The following PPM1H variants were observed in gnomAD, a reference collection of about 807,000 sequenced individuals.
PPM1H encodes protein phosphatase 1H.
A neutral mutation model predicts 54.9 loss-of-function variants in PPM1H; 27 were observed. The ratio of observed to expected loss-of-function variants is 0.49; its 90% CI spans 0.36 to 0.68. The LOEUF (loss-of-function observed/expected upper bound fraction) is 0.68, where lower values mean the gene tolerates loss of function less well. Ranked by LOEUF, PPM1H falls within the 30% of genes least tolerant of loss-of-function variation. The pLI, the probability that PPM1H is intolerant of heterozygous loss-of-function variation, is 0.00. For synonymous variants in PPM1H, 305 were observed against 270.8 expected, an observed-to-expected ratio of 1.13 and a Z score of -1.24; for missense variants, 596 against 667.8, an observed-to-expected ratio of 0.89 and a Z score of 1.19.
At chr12:62,688,144 C>T (rs2076064092) in intron 8 of PPM1H, among the ~76,000 whole-genome samples, 1 of 152,174 alleles carries the variant, frequency 6.6e-6, no homozygotes, top group Admixed American at 6.5e-5. Flanking sequence ...TCCCAAACTC[C>T]CTTGCAGCTA....
At chr12:62,798,596 C>T (rs886317950) in intron 3 of PPM1H, among the ~76,000 whole-genome samples, 1 of 152,002 alleles carries the variant, frequency 6.6e-6, no homozygotes, top group Non-Finnish European at 1.5e-5. Context: ...TGGGGGTAAA[C>T]CTGAAAGGAA....
At chr12:62,880,160 TAC>T (rs1182342550) in intron 1 of PPM1H, among the ~76,000 whole-genome samples, 1 of 152,186 alleles carries the variant, frequency 6.6e-6, no homozygotes, top group Non-Finnish European at 1.5e-5. Flanking sequence ...CATATGCATA[TAC>T]ACACACACAT....
chr12:62,825,212 A>T (rs337523), intron 2 of PPM1H, among the ~76,000 whole-genome samples: 131,247 of 152,138 alleles, frequency 0.86, 56,658 homozygotes, highest in African/African-American at 0.88. Context: ...CCAGTTAGAG[A>T]GGCGATTAAA....
At chr12:62,772,640 A>T (rs1267090579) in intron 4 of PPM1H, among the ~76,000 whole-genome samples, 1 of 152,174 alleles carries the variant, frequency 6.6e-6, no homozygotes, top group Admixed American at 6.5e-5. Context: ...AAGTGGTGCC[A>T]GCTGCAACTC....
At chr12:62,719,968 G>A (rs1018434542) in intron 6 of PPM1H, among the ~76,000 whole-genome samples, 4 of 152,124 alleles carry the variant, frequency 2.6e-5, no homozygotes, top group Non-Finnish European at 5.9e-5. Context: ...GGAGGGCCTC[G>A]AAGAAGCAGA....
chr12:62,902,420 A>T (rs899112393), intron 1 of PPM1H, among the ~76,000 whole-genome samples: 11 of 152,098 alleles, frequency 7.2e-5, no homozygotes, highest in African/African-American at 2.7e-4. Flanking sequence ...AAAAAAATTT[A>T]GGATTTTTAA....
rs2075781839 is a variant in PPM1H at position 62,645,897 on chromosome 12, G to A, written c.*2592C>T. 1 of 152,184 alleles carries A rather than the reference G, an allele frequency of 6.6e-6. No homozygotes were observed. Among genetic ancestry groups the A allele is most frequent in the Admixed American group, 6.5e-5 (1 of 15,282 alleles). 9.4% of individuals were successfully genotyped at this position (152,184 alleles called of 1,614,324 possible). A position where few individuals can be genotyped will look rare whatever the true frequency, so the allele number is the denominator to read the frequency against. The stretch of plus-strand genomic sequence containing the variant: ...CTTTGACTTTTCCAGGGATGCACCA[G>A]GGGCCAACCCGTTATGTAGACACGG... On this transcript the variant is annotated 3_prime_UTR_variant, in exon 10 of 10. Transcript: ENST00000228705.
chr12:62,736,130 A>T (rs1238312628), intron 5 of PPM1H, among the ~76,000 whole-genome samples: 1 of 152,224 alleles, frequency 6.6e-6, no homozygotes, highest in Non-Finnish European at 1.5e-5. Context: ...AGAGTGGAGA[A>T]AGCCAGACAG....
chr12:62,673,524 A>G (rs1328577296), intron 8 of PPM1H, among the ~76,000 whole-genome samples: 1 of 151,958 alleles, frequency 6.6e-6, no homozygotes, highest in Non-Finnish European at 1.5e-5. Flanking sequence ...ATGCCCTCAC[A>G]GCTTTTGTGT....
At chr12:62,753,758 CCT>C (rs750060486) in intron 4 of PPM1H, among the ~76,000 whole-genome samples, 2 of 152,086 alleles carry the variant, frequency 1.3e-5, no homozygotes, top group East Asian at 3.9e-4. Context: ...GTTCTCTCCC[CCT>C]CTCTCTGGCT....
chr12:62,772,583 T>C (rs1038833785), intron 4 of PPM1H, among the ~76,000 whole-genome samples: 1 of 152,182 alleles, frequency 6.6e-6, no homozygotes, highest in South Asian at 2.1e-4. Context: ...GGGGTGAAGG[T>C]GAACTGAACC....
intron 9 of PPM1H, among the ~76,000 whole-genome samples, chr12:62,664,022 C>T (rs1384976704): frequency 6.6e-6 from 1 of 151,390 alleles, no homozygotes; most frequent in African/African-American, 2.4e-5. Context: ...ATTCTGTGTA[C>T]ATTTATGCGA....
intron 4 of PPM1H, among the ~76,000 whole-genome samples, chr12:62,786,976 A>G (rs1363063162): frequency 2.0e-5 from 3 of 152,190 alleles, no homozygotes; most frequent in Admixed American, 2.0e-4. Flanking sequence ...TACTTTTGAA[A>G]GCAACAGACC....
intron 9 of PPM1H, chr12:62,659,220 G>A: frequency 1.6e-6 from 1 of 631,318 alleles, no homozygotes; most frequent in East Asian, 2.9e-5. Flanking sequence ...CGAAGAAAAT[G>A]GGTAGACAGC....
At chr12:62,705,108 C>A (rs1379802079) in intron 6 of PPM1H, among the ~76,000 whole-genome samples, 1 of 152,168 alleles carries the variant, frequency 6.6e-6, no homozygotes, top group Non-Finnish European at 1.5e-5. Context: ...TCCTGTTAAC[C>A]CAACATATGC....
intron 5 of PPM1H, among the ~76,000 whole-genome samples, chr12:62,725,370 G>A (rs1368651812): frequency 6.6e-6 from 1 of 152,146 alleles, no homozygotes; most frequent in African/African-American, 2.4e-5. Flanking sequence ...CCTGAAGCAG[G>A]TCACAGGATC....
intron 5 of PPM1H, among the ~76,000 whole-genome samples, chr12:62,728,844 A>G (rs577041904): frequency 6.6e-6 from 1 of 152,350 alleles, no homozygotes; most frequent in South Asian, 2.1e-4. Flanking sequence ...AGGGCTGAGC[A>G]CCAGCCTGCC....
chr12:62,717,781 A>AC (rs1472717976), intron 6 of PPM1H, among the ~76,000 whole-genome samples: 1 of 152,212 alleles, frequency 6.6e-6, no homozygotes, highest in Non-Finnish European at 1.5e-5. Context: ...TTTGAGTGGA[A>AC]CCTTTACAGC....
chr12:62,867,532 C>T (rs958751808), intron 1 of PPM1H, among the ~76,000 whole-genome samples: 1 of 143,552 alleles, frequency 7.0e-6, no homozygotes, highest in African/African-American at 2.6e-5. Flanking sequence ...TTTAAAGTAG[C>T]TTCCTCTCCT....
Sources: allele counts gnomAD v4.1 joint callset (sites outside exome capture counted in the v4.1 genomes callset), GRCh38; gene constraint gnomAD v4.1.1; transcripts MANE v1.5; gene names NCBI Gene and HGNC (gene_info 2026-07-23, HGNC 2026-07-21).